The following M1AP variants were observed in gnomAD, a reference collection of about 807,000 sequenced individuals.
M1AP encodes the protein meiosis 1 arrest protein.
Under a neutral mutation model 51.2 loss-of-function variants are expected in M1AP, and 39 were observed. The ratio of observed to expected loss-of-function variants is 0.76; its 90% CI spans 0.59 to 1.00. The LOEUF is 1.00. Ranked by LOEUF, M1AP falls within the 50% of genes least tolerant of loss-of-function variation. The probability of loss-of-function intolerance (pLI) is 0.00; values close to 1 mark genes in which losing one functional copy is unlikely to be tolerated. For missense variants in M1AP, 545 were observed against 641.2 expected (o/e 0.85, Z 1.62); for synonymous variants, 251 against 249.2 (o/e 1.01, Z -0.07).
At chr2:74,581,495 A>G (rs1679401987) in intron 5 of M1AP, among the ~76,000 whole-genome samples, 179 bp downstream of exon 5, 1 of 152,148 alleles carries the variant, frequency 6.6e-6, no homozygotes, top group African/African-American at 2.4e-5. Flanking sequence ...CTTTCTAACT[A>G]TGATTGCTTC....
At chr2:74,625,174 G>A (rs764783709) in intron 2 of M1AP, among the ~76,000 whole-genome samples, 1 of 152,070 alleles carries the variant, frequency 6.6e-6, no homozygotes, top group Non-Finnish European at 1.5e-5. Flanking sequence ...CTATGAATGA[G>A]GTTGATGTAT....
intron 2 of M1AP, among the ~76,000 whole-genome samples, chr2:74,623,930 C>T (rs114488871): frequency 0.017 from 2,662 of 152,136 alleles, 66 homozygotes; most frequent in African/African-American, 0.052. Flanking sequence ...ACTTGCCTCC[C>T]GAAGTGTTGG....
intron 2 of M1AP, among the ~76,000 whole-genome samples, chr2:74,623,317 A>G (rs1313356107): frequency 6.6e-6 from 1 of 152,158 alleles, no homozygotes; most frequent in Admixed American, 6.5e-5. Context: ...CAGCCTGTGC[A>G]ACATAGTGAA....
In M1AP at chr2:74,560,167, C is replaced by T. The variant is rs771759979; in HGVS notation, c.1406G>A (p.Ser469Asn). ...PQGRLHPHWE[S>N]RAPRKHPCKT... ...GAGCGGTACCTTTCTCGGAGCTCGGCTCTCCCAGTGTGGGTGGAGCCGCCC... is the reference window on the plus strand; with the variant it reads ...GAGCGGTACCTTTCTCGGAGCTCGGTTCTCCCAGTGTGGGTGGAGCCGCCC... Residue 469 changes from serine to asparagine, a missense_variant, in exon 9 of 11, where the codon AGC becomes AAC. Coordinates refer to ENST00000421985, the MANE Select transcript of M1AP (RefSeq NM_001321739.2). 8 of 1,613,862 alleles carry T rather than the reference C, an allele frequency of 5.0e-6. No homozygotes were observed. In the African/African-American group the frequency reaches 8.0e-5, roughly 16 times the overall value.
chr2:74,572,956 C>T (rs1285972963), intron 7 of M1AP, among the ~76,000 whole-genome samples: 2 of 152,220 alleles, frequency 1.3e-5, no homozygotes, highest in Non-Finnish European at 2.9e-5. Flanking sequence ...TAGATAAATA[C>T]AGATCCTCAA....
At chr2:74,584,570 C>A (rs1340958948) in intron 4 of M1AP, among the ~76,000 whole-genome samples, 1 of 150,792 alleles carries the variant, frequency 6.6e-6, no homozygotes, top group Non-Finnish European at 1.5e-5. Flanking sequence ...TGTTTCTTTT[C>A]TTCTCCCCAG....
chr2:74,640,461 CTAT>C, intron 1 of M1AP, 134 bp from the exon 2 acceptor site: 1 of 696,250 alleles, frequency 1.4e-6, no homozygotes. Flanking sequence ...CCAGGCCATC[CTAT>C]TTTTTTTTTT....
chr2:74,639,925 GAGA>G, intron 2 of M1AP, 108 bp downstream of exon 2: 1 of 927,860 alleles, frequency 1.1e-6, no homozygotes, highest in Non-Finnish European at 1.7e-6. Context: ...ACTGTGTGTG[GAGA>G]AGTAGTGCGG....
At position 74,563,805 on chromosome 2, in the gene M1AP, T is replaced by C. The variant is rs1259368899; in HGVS notation, c.1075-1382A>G. 2.0e-5 allele frequency among the ~76,000 whole-genome samples: 3 copies of C among 152,196 alleles called. 1 individual carries two copies. The highest frequency in any genetic ancestry group is 3.9e-4 in the East Asian group (2 of 5,174). ...CATGGTGATGGCAGAGGTTAGGGCA[T>C]GGGTAAGAAGAAGAGACAACCAGAC... On this transcript the variant is annotated intron_variant, in intron 7 of 10. Coordinates refer to ENST00000421985, the MANE Select transcript of M1AP (RefSeq NM_001321739.2).
intron 7 of M1AP, chr2:74,575,219 G>T: frequency 1.1e-6 from 1 of 882,784 alleles, no homozygotes; most frequent in Non-Finnish European, 1.4e-6. Flanking sequence ...GGATTTTCAA[G>T]TTTAGTGTTG....
chr2:74,580,639 G>C (rs1345439177), intron 5 of M1AP, among the ~76,000 whole-genome samples: 5 of 152,122 alleles, frequency 3.3e-5, no homozygotes, highest in African/African-American at 1.2e-4. Context: ...CTGAAGAAAA[G>C]GAACATATAT....
At chr2:74,630,878 T>G (rs1338280139) in intron 2 of M1AP, among the ~76,000 whole-genome samples, 2 of 152,226 alleles carry the variant, frequency 1.3e-5, no homozygotes, top group African/African-American at 4.8e-5. Flanking sequence ...TCAAAGGGTA[T>G]TTCTCAGTGT....
In M1AP at chr2:74,558,852, C is replaced by G. The variant is rs200252150; in HGVS notation, c.1457G>C (p.Arg486Pro). The G allele has an allele frequency of 1.1e-4, 168 of 1,599,662 alleles. No individual in the cohort carries two copies. The Admixed American group carries it at 1.1e-3, about 10-fold the overall frequency. The change falls in exon 11 of 11, where the codon CGA (arginine) becomes CCA (proline). Residue 486 changes from arginine (R) to proline (P), a missense_variant. By Grantham distance (103) the Arg-to-Pro change is moderately radical. Transcript: ENST00000421985. Reference sequence around the variant, plus strand: ...CAGGGGGGCCACAGTAGCTCGAGCTCGGTTGGTCTGCAACTGCCCAGTCTG... The same window carrying G: ...CAGGGGGGCCACAGTAGCTCGAGCTGGGTTGGTCTGCAACTGCCCAGTCTG... ...PCKTGQLQTN[R>P]ARATVAPLPM...
In M1AP at chr2:74,609,406, G is replaced by A. The variant is rs1173226253; in HGVS notation, c.427-2183C>T. 3.9e-5 allele frequency among the ~76,000 whole-genome samples: 6 copies of A among 152,168 alleles called. No individual in the cohort carries two copies. In the East Asian group the frequency reaches 1.2e-3, roughly 29 times the overall value. On this transcript the variant is annotated intron_variant, in intron 3 of 10. Transcript: ENST00000421985. ...ACAGGCTTTTATTCTTTCTTATGAAGGAATGGTATTCCAATGTGTATAAAT... is the reference window on the plus strand; with the variant it reads ...ACAGGCTTTTATTCTTTCTTATGAAAGAATGGTATTCCAATGTGTATAAAT...
intron 4 of M1AP, among the ~76,000 whole-genome samples, chr2:74,594,379 T>C (rs574083403): frequency 2.4e-4 from 36 of 152,088 alleles, no homozygotes; most frequent in South Asian, 6.2e-4. Flanking sequence ...CAATGAGGAA[T>C]AGAAAATATG....
At chr2:74,609,080 T>C (rs889082160) in intron 3 of M1AP, among the ~76,000 whole-genome samples, 1 of 152,214 alleles carries the variant, frequency 6.6e-6, no homozygotes, top group Non-Finnish European at 1.5e-5. Flanking sequence ...ATGAGAACAT[T>C]CAAAATCCTC....
chr2:74,576,593 C>G lies in M1AP; in HGVS notation c.795G>C (p.Glu265Asp), dbSNP rs1679089667. Residue 265 changes from glutamate (E) to aspartate (D), a missense_variant, in exon 6 of 11, where the codon GAG becomes GAC. Glu to Asp is a conservative substitution (Grantham distance 45, BLOSUM62 2). Transcript: ENST00000421985. ...NPMCLKCDLQ[E>D]RLLCPSLLAG... Reference sequence around the variant, plus strand: ...CGAGTAGGGATGGGCAGAGCAGTCGCTCTTGGAGATCACATTTCAGACACA... The same window carrying G: ...CGAGTAGGGATGGGCAGAGCAGTCGGTCTTGGAGATCACATTTCAGACACA... 6.2e-7 allele frequency: 1 copy of G among 1,614,002 alleles called. No individual in the cohort carries two copies. Among genetic ancestry groups the G allele is most frequent in the African/African-American group, 1.3e-5 (1 of 74,930 alleles).
intron 5 of M1AP, 87 bp downstream of exon 5, chr2:74,581,587 C>T (rs1679406425): frequency 2.5e-5 from 33 of 1,316,634 alleles, no homozygotes; most frequent in Non-Finnish European, 3.4e-5. Flanking sequence ...CTCAACGATG[C>T]TATATTCCAC....
At chr2:74,579,156 C>T (rs1017877135) in intron 5 of M1AP, among the ~76,000 whole-genome samples, 2 of 152,202 alleles carry the variant, frequency 1.3e-5, no homozygotes, top group African/African-American at 2.4e-5. Context: ...AATATTCTGG[C>T]TCTGATCCTG....
Sources: gnomAD v4.1 joint callset for allele counts (sites outside exome capture counted in the v4.1 genomes callset) on GRCh38, gnomAD v4.1.1 for gene constraint, MANE v1.5 for transcripts, NCBI Gene and HGNC (gene_info 2026-07-23, HGNC 2026-07-21) for gene names.